TESC: variants seen among roughly 807,000 people sequenced by gnomAD.
The protein encoded by TESC is tescalcin, also known as calcineurin B homologous protein 3.
Under a neutral mutation model 31.0 loss-of-function variants are expected in TESC, and 19 were observed. The ratio of observed to expected loss-of-function variants is 0.61; its 90% CI spans 0.43 to 0.90. The LOEUF (loss-of-function observed/expected upper bound fraction) is 0.90. TESC is among the 40% of genes least tolerant of loss of function. TESC has a pLI of 0.00. For missense variants in TESC, 248 were observed against 303.8 expected, an observed-to-expected ratio of 0.82 and a Z score of 1.36; for synonymous variants, 109 against 114.8, an observed-to-expected ratio of 0.95 and a Z score of 0.32.
In TESC at chr12:117,039,347, G is replaced by T. The variant is rs1954448678; in HGVS notation, c.568-137C>A. 2.8e-5 allele frequency: 23 copies of T among 808,276 alleles called. No individual in the cohort carries two copies. The South Asian group carries it at 3.4e-4, about 12-fold the overall frequency. 50.1% of individuals were successfully genotyped at this position (808,276 alleles called of 1,614,324 possible). On this transcript the variant is annotated intron_variant, in intron 7 of 7. Coordinates refer to ENST00000335209, the MANE Select transcript of TESC (RefSeq NM_017899.4). Reference sequence around the variant, plus strand: ...TGTTCCAGGCAGGTGAAAACCAGAGGGCTGTGTTTCAAGACTATGAGCTAA... The same window carrying T: ...TGTTCCAGGCAGGTGAAAACCAGAGTGCTGTGTTTCAAGACTATGAGCTAA...
At chr12:117,094,916 T>C (rs1955369786) in intron 1 of TESC, among the ~76,000 whole-genome samples, 1 of 149,254 alleles carries the variant, frequency 6.7e-6, no homozygotes, top group Admixed American at 6.7e-5. Flanking sequence ...CTCACGAGGC[T>C]GAGGCAGGAG....
intron 6 of TESC, among the ~76,000 whole-genome samples, chr12:117,045,871 G>C (rs1440370772): frequency 1.3e-5 from 2 of 152,228 alleles, no homozygotes; most frequent in African/African-American, 4.8e-5. Flanking sequence ...GTCCCCAGAG[G>C]CTTAGAGCCT....
At chr12:117,072,154 C>T (rs1012327127) in intron 2 of TESC, among the ~76,000 whole-genome samples, 2 of 152,190 alleles carry the variant, frequency 1.3e-5, no homozygotes, top group African/African-American at 4.8e-5. Flanking sequence ...CACACAGCAC[C>T]TGGGCCCCCA....
intron 2 of TESC, among the ~76,000 whole-genome samples, chr12:117,058,746 A>AC (rs1954764262): frequency 4.8e-5 from 2 of 41,270 alleles, no homozygotes; most frequent in Non-Finnish European, 8.0e-5. Context: ...CCAATCTCTT[A>AC]AAAAAAAAAA....
intron 1 of TESC, among the ~76,000 whole-genome samples, chr12:117,075,907 ATATATATGTG>A (rs1218094839): frequency 1.2e-4 from 8 of 65,132 alleles, no homozygotes; most frequent in East Asian, 8.2e-4. Flanking sequence ...ATATATATAT[ATATATATGTG>A]TGTGTGTATA....
chr12:117,067,281 G>A (rs1208918757), intron 2 of TESC, among the ~76,000 whole-genome samples: 2 of 152,098 alleles, frequency 1.3e-5, no homozygotes, highest in Non-Finnish European at 2.9e-5. Flanking sequence ...AAAAGCTGTC[G>A]AGGCCAGGCA....
chr12:117,096,593 A>G (rs1300614350), intron 1 of TESC, among the ~76,000 whole-genome samples: 1 of 151,824 alleles, frequency 6.6e-6, no homozygotes, highest in Non-Finnish European at 1.5e-5. Context: ...TCAATAACAA[A>G]CCATGTACAT....
intron 2 of TESC, among the ~76,000 whole-genome samples, chr12:117,069,319 G>C (rs572964870): frequency 6.6e-6 from 1 of 151,970 alleles, no homozygotes; most frequent in Non-Finnish European, 1.5e-5. Context: ...AGCTCATTGC[G>C]ACCTCTCCCT....
chr12:117,047,161 G>T (rs536010655), intron 4 of TESC, among the ~76,000 whole-genome samples: 1 of 152,236 alleles, frequency 6.6e-6, no homozygotes, highest in Non-Finnish European at 1.5e-5. Flanking sequence ...TGAATATCAC[G>T]ACAGTAAGCG....
At chr12:117,089,283 C>T (rs1955271282) in intron 1 of TESC, among the ~76,000 whole-genome samples, 1 of 152,104 alleles carries the variant, frequency 6.6e-6, no homozygotes, top group Admixed American at 6.5e-5. Flanking sequence ...ACACCTAGCA[C>T]AAGAAATGCA....
chr12:117,077,212 A>G (rs1456859580), intron 1 of TESC, among the ~76,000 whole-genome samples: 1 of 152,174 alleles, frequency 6.6e-6, no homozygotes, highest in Admixed American at 6.5e-5. Flanking sequence ...TCCTGTGGGC[A>G]TGGCTCCAAT....
intron 2 of TESC, among the ~76,000 whole-genome samples, chr12:117,066,523 C>G (rs1479618637): frequency 1.3e-5 from 2 of 152,016 alleles, no homozygotes; most frequent in African/African-American, 4.8e-5. Flanking sequence ...AGGCACCCAC[C>G]ACCACGCCTG....
intron 1 of TESC, chr12:117,083,899 C>T (rs1018240813): frequency 6.6e-6 from 1 of 151,984 alleles, no homozygotes; most frequent in Admixed American, 6.6e-5. Flanking sequence ...AAATTCAAGA[C>T]CAGCTAGGCT....
chr12:117,065,087 T>C (rs573555587), intron 2 of TESC, among the ~76,000 whole-genome samples: 3 of 152,326 alleles, frequency 2.0e-5, no homozygotes, highest in Non-Finnish European at 2.9e-5. Flanking sequence ...AGAAGGACAC[T>C]GAGAGGCCTC....
In TESC at chr12:117,053,076, G is replaced by A. The variant is rs187071649; in HGVS notation, c.209+3730C>T. Among the ~76,000 whole-genome samples the A allele has an allele frequency of 2.1e-3, 319 of 152,192 alleles. 3 individuals carry two copies. Among genetic ancestry groups the A allele is most frequent in the African/African-American group, 7.3e-3 (304 of 41,518 alleles). On this transcript the variant is annotated intron_variant, in intron 3 of 7. Coordinates refer to ENST00000335209, the MANE Select transcript of TESC (RefSeq NM_017899.4). The stretch of plus-strand genomic sequence containing the variant: ...TCCTCAGGGTCCCCACAGGCCCGTC[G>A]CGCCTGGAGTCCCCCTGAGATGTGG...
At chr12:117,070,709 T>C (rs1954958046) in intron 2 of TESC, among the ~76,000 whole-genome samples, 1 of 152,112 alleles carries the variant, frequency 6.6e-6, no homozygotes, top group Admixed American at 6.5e-5. Context: ...TACTTTCCCA[T>C]CTGTAAAATG....
At chr12:117,041,020 CGGGGAGGGGGATGG>C (rs577360376) in intron 7 of TESC, among the ~76,000 whole-genome samples, 40 of 44,610 alleles carry the variant, frequency 9.0e-4, no homozygotes, top group South Asian at 1.7e-3. Context: ...GGCCGAACTG[CGGGGAGGGGGATGG>C]GGGGAGGGGG....
At chr12:117,084,818 G>A (rs1955193993) in intron 1 of TESC, among the ~76,000 whole-genome samples, 1 of 152,234 alleles carries the variant, frequency 6.6e-6, no homozygotes, top group African/African-American at 2.4e-5. Flanking sequence ...CAGATGAGGG[G>A]CATGCACACC....
At chr12:117,054,354 C>T (rs1190689532) in intron 3 of TESC, among the ~76,000 whole-genome samples, 3 of 152,030 alleles carry the variant, frequency 2.0e-5, no homozygotes, top group African/African-American at 7.2e-5. Flanking sequence ...CGTCCCCCAT[C>T]TTGGCTCCTG....
Sources: gnomAD v4.1 joint callset for allele counts (sites outside exome capture counted in the v4.1 genomes callset) on GRCh38, gnomAD v4.1.1 for gene constraint, MANE v1.5 for transcripts, NCBI Gene and HGNC (gene_info 2026-07-23, HGNC 2026-07-21) for gene names.